The following PRIMPOL variants were observed in gnomAD, a reference collection of about 807,000 sequenced individuals.
PRIMPOL encodes primase and DNA directed polymerase.
In PRIMPOL, 54 loss-of-function variants were observed where a neutral mutation model predicts 63.6. That is an observed-to-expected ratio of 0.85 (90% confidence interval 0.68 to 1.07). PRIMPOL has a LOEUF of 1.07. Among genes scored for constraint, PRIMPOL ranks in the 50% least tolerant of loss-of-function variants. The pLI is 0.00. For synonymous variants in PRIMPOL, 197 were observed against 220.2 expected, an observed-to-expected ratio of 0.89 and a Z score of 0.93; for missense variants, 610 against 648.3, an observed-to-expected ratio of 0.94 and a Z score of 0.64.
At chr4:184,680,391 T>G (rs1755307342) in intron 8 of PRIMPOL, among the ~76,000 whole-genome samples, 1 of 152,178 alleles carries the variant, frequency 6.6e-6, no homozygotes, top group Non-Finnish European at 1.5e-5. Context: ...TTTCCCCATG[T>G]TGGGGGGGCC....
At chr4:184,678,176 A>G in intron 7 of PRIMPOL, 56 bp from the exon 8 acceptor site, 8 of 1,171,310 alleles carry the variant, frequency 6.8e-6, no homozygotes, top group South Asian at 6.3e-5. Flanking sequence ...TTTGCTGACT[A>G]TGAAACTAAT....
intron 11 of PRIMPOL, among the ~76,000 whole-genome samples, chr4:184,688,897 C>T (rs983090275): frequency 8.6e-5 from 13 of 151,978 alleles, no homozygotes; most frequent in African/African-American, 2.9e-4. Context: ...CAGAAATACC[C>T]GAGCTCTGGT....
chr4:184,658,036 A>AAATG (rs1553988172), intron 3 of PRIMPOL, among the ~76,000 whole-genome samples: 1 of 110,568 alleles, frequency 9.0e-6, no homozygotes, highest in Non-Finnish European at 1.9e-5. Context: ...ATAAATAAAT[A>AAATG]TCACTAAATC....
At chr4:184,680,394 G>T (rs183364215) in intron 8 of PRIMPOL, among the ~76,000 whole-genome samples, 19 of 152,194 alleles carry the variant, frequency 1.2e-4, no homozygotes, top group African/African-American at 3.4e-4. Flanking sequence ...CCCCATGTTG[G>T]GGGGGCCGGT....
intron 5 of PRIMPOL, among the ~76,000 whole-genome samples, chr4:184,664,276 T>G (rs1323213703): frequency 6.6e-6 from 1 of 152,248 alleles, no homozygotes; most frequent in Non-Finnish European, 1.5e-5. Flanking sequence ...TAGTCCCTAC[T>G]AAGTGTCAGG....
chr4:184,663,776 T>A (rs1474134646), intron 5 of PRIMPOL, among the ~76,000 whole-genome samples: 2 of 151,574 alleles, frequency 1.3e-5, no homozygotes, highest in African/African-American at 2.4e-5. Context: ...TGGATTACTT[T>A]ACTTAATATA....
chr4:184,679,004 G>C (rs913916797), intron 8 of PRIMPOL, among the ~76,000 whole-genome samples: 1 of 151,862 alleles, frequency 6.6e-6, no homozygotes, highest in African/African-American at 2.4e-5. Context: ...AATACTACTG[G>C]TATTGCATTT....
intron 13 of PRIMPOL, 87 bp downstream of exon 13, chr4:184,691,799 A>T (rs2696035): frequency 1.1e-6 from 1 of 939,918 alleles, no homozygotes. Flanking sequence ...TCCAAATAGC[A>T]TTGAAACCCA....
chr4:184,649,756 G>C lies in PRIMPOL; in HGVS notation c.-290G>C, dbSNP rs1463171053. The C allele has an allele frequency of 6.6e-6, 1 of 152,370 alleles. No homozygotes were observed. The highest frequency in any genetic ancestry group is 2.4e-5 in the African/African-American group (1 of 41,458). 9.4% of individuals were successfully genotyped at this position (152,370 alleles called of 1,614,324 possible). A position where few individuals can be genotyped will look rare whatever the true frequency, so the allele number is the denominator to read the frequency against. ...AATCTAGGTCTTCCTGAGAGTCCGC[G>C]GGCTTCCGCTCCCAGCGCGGGATTC... On this transcript the variant is annotated 5_prime_UTR_variant, in exon 1 of 14. Coordinates refer to ENST00000314970, the MANE Select transcript of PRIMPOL (RefSeq NM_152683.4).
Position 184,678,411 on chromosome 4 carries a change from T to C in PRIMPOL, c.1007+17T>C. 1 of 1,568,136 alleles carries C rather than the reference T, an allele frequency of 6.4e-7. No individual in the cohort carries two copies. The highest frequency in any genetic ancestry group is 1.2e-5 in the South Asian group (1 of 84,374). Reference sequence around the variant, plus strand: ...CAATGTCAGGTATGTAGTAGCAGCATCAAACCATTTTGTATTCATGAATAT... The same window carrying C: ...CAATGTCAGGTATGTAGTAGCAGCACCAAACCATTTTGTATTCATGAATAT... On this transcript the variant is annotated intron_variant, in intron 8 of 13. Coordinates refer to ENST00000314970, the MANE Select transcript of PRIMPOL (RefSeq NM_152683.4).
In PRIMPOL at chr4:184,691,601, A is replaced by G; in HGVS notation, c.1378+20A>G. 10 of 1,598,696 alleles carry G rather than the reference A, an allele frequency of 6.3e-6. No homozygotes were observed. The highest frequency in any genetic ancestry group is 8.6e-6 in the Non-Finnish European group (10 of 1,166,806). ...CTGACTGTAAGTTACTAATTTTTAC[A>G]TTTACCACAAAGTAAAAATTAGATA... On this transcript the variant is annotated intron_variant, in intron 12 of 13. Transcript: ENST00000314970.
chr4:184,693,310 G>A (rs181294770), intron 13 of PRIMPOL, among the ~76,000 whole-genome samples: 9 of 152,230 alleles, frequency 5.9e-5, no homozygotes, highest in Admixed American at 4.6e-4. Flanking sequence ...GGATTGCATC[G>A]CCCTTGTTAG....
chr4:184,671,703 C>G (rs569211013), intron 6 of PRIMPOL, among the ~76,000 whole-genome samples: 5 of 150,244 alleles, frequency 3.3e-5, no homozygotes, highest in South Asian at 4.2e-4. Flanking sequence ...AAAAGGAAGT[C>G]ACAGGAGTGG....
At chr4:184,655,386 C>T (rs181084642) in intron 2 of PRIMPOL, among the ~76,000 whole-genome samples, 26 of 146,554 alleles carry the variant, frequency 1.8e-4, no homozygotes, top group Non-Finnish European at 2.5e-4. Context: ...TGCAGTGGTG[C>T]GATCTCGGCT....
In PRIMPOL at chr4:184,659,398, T is replaced by C. The variant is rs1212310017; in HGVS notation, c.239T>C (p.Val80Ala). 3.7e-6 allele frequency: 6 copies of C among 1,613,886 alleles called. No homozygotes were observed. Among genetic ancestry groups the C allele is most frequent in the Non-Finnish European group, 5.1e-6 (6 of 1,179,870 alleles). ...GGAGATGGACAACGTATTTACCTTGTGACAACCTATGCTGAATTTTGGTTT... is the reference window on the plus strand; with the variant it reads ...GGAGATGGACAACGTATTTACCTTGCGACAACCTATGCTGAATTTTGGTTT... The part of the protein sequence containing the change: ...KVGDGQRIYL[V>A]TTYAEFWFYY... Residue 80 changes from valine to alanine, a missense_variant, in exon 4 of 14, where the codon GTG (valine) becomes GCG (alanine). By Grantham distance (64) the Val-to-Ala change is moderately conservative. Transcript: ENST00000314970.
chr4:184,684,783 G>A (rs1381853960), intron 9 of PRIMPOL, among the ~76,000 whole-genome samples: 1 of 151,958 alleles, frequency 6.6e-6, no homozygotes, highest in Non-Finnish European at 1.5e-5. Context: ...GACAATTCTA[G>A]GACTGGTTTT....
At chr4:184,682,913 TGTG>T (rs1756029291) in intron 9 of PRIMPOL, among the ~76,000 whole-genome samples, 1 of 151,800 alleles carries the variant, frequency 6.6e-6, no homozygotes, top group Admixed American at 6.6e-5. Flanking sequence ...AGCCAGGAAT[TGTG>T]GTGCATGCCT....
At position 184,665,922 on chromosome 4, in the gene PRIMPOL, G is replaced by A. The variant is rs747247959; in HGVS notation, c.414G>A (p.Val138=). 13 of 1,578,156 alleles carry A rather than the reference G, an allele frequency of 8.2e-6. No homozygotes were observed. Among genetic ancestry groups the A allele is most frequent in the Non-Finnish European group, 1.0e-5 (12 of 1,165,150 alleles). The part of the protein sequence containing the change: ...KKMVALLIEY[V]CKALQELYGV... ...CATTTTACTTGTGTTTTTAGTATGT[G>A]TGTAAAGCACTTCAAGAGTTATACG... Residue 138 remains valine (V), a synonymous_variant, in exon 6 of 14, where the codon GTG becomes GTA. Coordinates refer to ENST00000314970, the MANE Select transcript of PRIMPOL (RefSeq NM_152683.4).
In PRIMPOL at chr4:184,682,312, T is replaced by C. The variant is rs770264758; in HGVS notation, c.1072T>C (p.Tyr358His). 2 of 1,597,574 alleles carry C rather than the reference T, an allele frequency of 1.3e-6. No homozygotes were observed. The highest frequency in any genetic ancestry group is 8.6e-7 in the Non-Finnish European group (1 of 1,165,712). Residue 358 changes from tyrosine (Y) to histidine (H), a missense_variant, in exon 9 of 14, where the codon TAT (tyrosine) becomes CAT (histidine). Transcript: ENST00000314970. ...TCAGAATAAACAAAAAGGAGTTGGA[T>C]ATTTTAACAGTATCGGCACTTCAGG... ...PSQNKQKGVGYFNSIGTSVET... is the reference protein window; with the variant it reads ...PSQNKQKGVGHFNSIGTSVET...
Sources: allele counts gnomAD v4.1 joint callset (sites outside exome capture counted in the v4.1 genomes callset), GRCh38; gene constraint gnomAD v4.1.1; transcripts MANE v1.5; gene names NCBI Gene and HGNC (gene_info 2026-07-23, HGNC 2026-07-21).